The following ZFP1 variants were observed in gnomAD, a reference collection of about 807,000 sequenced individuals.
The protein encoded by ZFP1 is zinc finger protein 1 homolog.
Under a neutral mutation model 38.5 loss-of-function variants are expected in ZFP1, and 32 were observed. That is an observed-to-expected ratio of 0.83 (90% confidence interval 0.63 to 1.12). ZFP1 has a LOEUF of 1.12. ZFP1 is among the 50% of genes most tolerant of loss of function. ZFP1 has a pLI of 0.00. For synonymous variants in ZFP1, 245 were observed against 168.8 expected, an observed-to-expected ratio of 1.45 and a Z score of -3.50; for missense variants, 616 against 480.8, an observed-to-expected ratio of 1.28 and a Z score of -2.63.
At chr16:75,156,247 A>G (rs1170378042) in intron 2 of ZFP1, among the ~76,000 whole-genome samples, 1 of 152,184 alleles carries the variant, frequency 6.6e-6, no homozygotes. Context: ...TGAGGTCAGG[A>G]GATCGAGACC....
chr16:75,158,146 T>G (rs1451877899), intron 2 of ZFP1, among the ~76,000 whole-genome samples: 2 of 151,940 alleles, frequency 1.3e-5, no homozygotes, highest in African/African-American at 4.8e-5. Flanking sequence ...TGCTTCAACC[T>G]ATTTATGTTC....
rs773296216 is a variant in ZFP1 at position 75,152,971 on chromosome 16, GTTGT to G, written c.15+12_15+15del. ...CAGAAAATGAACAAATCCCAGGTGAGTTGTTTGTTTATTCCCCATTTTGCTTTTC... is the reference window on the plus strand; with the variant it reads ...CAGAAAATGAACAAATCCCAGGTGAGTTGTTTATTCCCCATTTTGCTTTTC... On this transcript the variant is annotated splice_donor_region_variant and intron_variant, in intron 2 of 3. Transcript: ENST00000570010. 9 of 1,613,620 alleles carry G rather than the reference GTTGT, an allele frequency of 5.6e-6. No homozygotes were observed. Among genetic ancestry groups the G allele is most frequent in the South Asian group, 3.3e-5 (3 of 90,964 alleles).
upstream of ZFP1, among the ~76,000 whole-genome samples, chr16:75,145,360 G>T (rs991277763): frequency 1.3e-5 from 2 of 152,322 alleles, no homozygotes; most frequent in East Asian, 3.9e-4. Context: ...GACAGTGTTG[G>T]CAGTCTCTTA....
In ZFP1 at chr16:75,170,297, G is replaced by C; in HGVS notation, c.1187G>C (p.Ser396Thr). The change falls in exon 4 of 4, where the codon AGT becomes ACT. Residue 396 changes from serine (S) to threonine (T), a missense_variant. Transcript: ENST00000570010. ...GCCTTTAGCAGGAAGTCCCGACTCAGTGTCCATCAGAGAGTTCACATCGGG... is the reference window on the plus strand; with the variant it reads ...GCCTTTAGCAGGAAGTCCCGACTCACTGTCCATCAGAGAGTTCACATCGGG... ...GKAFSRKSRL[S>T]VHQRVHIGEK... 6.2e-7 allele frequency: 1 copy of C among 1,605,816 alleles called. No individual in the cohort carries two copies. Among genetic ancestry groups the C allele is most frequent in the Non-Finnish European group, 8.5e-7 (1 of 1,175,522 alleles).
chr16:75,163,922 C>G (rs2037923919), intron 2 of ZFP1, among the ~76,000 whole-genome samples: 1 of 152,182 alleles, frequency 6.6e-6, no homozygotes, highest in East Asian at 1.9e-4. Context: ...TTTATGTCAC[C>G]TCACTCAATC....
At chr16:75,142,057 G>GAAAA in the ZFP1 span, among the ~76,000 whole-genome samples, 1 of 118,956 alleles carries the variant, frequency 8.4e-6, no homozygotes, top group Non-Finnish European at 1.8e-5. Context: ...CCATCTCAAA[G>GAAAA]AAAAAAAAAA....
At chr16:75,129,619 C>T in the ZFP1 span, among the ~76,000 whole-genome samples, 47,793 of 152,004 alleles carry the variant, frequency 0.31, 7,712 homozygotes, top group Non-Finnish European at 0.34. Flanking sequence ...CTAGTTGTCC[C>T]GCCTCTCCAG....
intron 2 of ZFP1, among the ~76,000 whole-genome samples, chr16:75,157,670 G>A (rs971513461): frequency 6.6e-6 from 1 of 152,160 alleles, no homozygotes; most frequent in Non-Finnish European, 1.5e-5. Flanking sequence ...GGTTATGGAT[G>A]TGTGCACACA....
chr16:75,166,990 T>C, intron 3 of ZFP1, 94 bp downstream of exon 3: 1 of 1,523,268 alleles, frequency 6.6e-7, no homozygotes, highest in East Asian at 2.3e-5. Flanking sequence ...TTACTAAATG[T>C]TTTTGGCCTA....
In ZFP1 at chr16:75,166,761, C is replaced by A. The variant is rs753831374; in HGVS notation, c.16-9C>A. On this transcript the variant is annotated splice_polypyrimidine_tract_variant and intron_variant, in intron 2 of 3. Transcript: ENST00000570010. ...TCATCTTAGGATGAATAACAATATG[C>A]CATTTCAGGGATCAGTTTCATTCAC... is the stretch of plus-strand genomic sequence containing the variant. 1.2e-6 allele frequency: 2 copies of A among 1,614,014 alleles called. No individual in the cohort carries two copies. Among genetic ancestry groups the A allele is most frequent in the Admixed American group, 3.3e-5 (2 of 60,010 alleles).
the ZFP1 span, among the ~76,000 whole-genome samples, chr16:75,125,848 G>C: frequency 6.6e-6 from 1 of 151,866 alleles, no homozygotes; most frequent in Non-Finnish European, 1.5e-5. Flanking sequence ...TTCAGGACCA[G>C]CCTGGCTAAC....
At chr16:75,159,972 C>G (rs768391413) in intron 2 of ZFP1, among the ~76,000 whole-genome samples, 37 of 152,150 alleles carry the variant, frequency 2.4e-4, no homozygotes, top group Non-Finnish European at 4.6e-4. Context: ...CTCTATCTTT[C>G]TGGATTCAGA....
chr16:75,148,321 T>G (rs985777992), upstream of ZFP1, among the ~76,000 whole-genome samples: 3 of 152,290 alleles, frequency 2.0e-5, no homozygotes, highest in East Asian at 1.9e-4. Context: ...AAGAAAACAG[T>G]GCAGGCTAAG....
rs1185492527 is a variant in ZFP1, at chr16:75,170,401, G to T, written c.*67G>T. On this transcript the variant is annotated 3_prime_UTR_variant, in exon 4 of 4. Transcript: ENST00000570010. ...TCTTCAAGCGGGTGAAAAACCTCAT[G>T]ACAGTATTGAGGGAACATGGGAATT... 3.3e-6 allele frequency: 5 copies of T among 1,493,698 alleles called. No individual in the cohort carries two copies. Among genetic ancestry groups the T allele is most frequent in the Non-Finnish European group, 4.5e-6 (5 of 1,122,134 alleles). 92.5% of individuals were successfully genotyped at this position (1,493,698 alleles called of 1,614,324 possible). A position where few individuals can be genotyped will look rare whatever the true frequency, so the allele number is the denominator to read the frequency against.
the ZFP1 span, among the ~76,000 whole-genome samples, chr16:75,136,445 T>G: frequency 6.6e-6 from 1 of 152,224 alleles, no homozygotes; most frequent in African/African-American, 2.4e-5. Context: ...TTCTCACTGG[T>G]TGACTGAAAA....
the ZFP1 span, among the ~76,000 whole-genome samples, chr16:75,138,566 T>G: frequency 1.3e-5 from 2 of 152,236 alleles, no homozygotes; most frequent in African/African-American, 4.8e-5. Flanking sequence ...TGACCTTATT[T>G]GCAAATAGTG....
intron 2 of ZFP1, among the ~76,000 whole-genome samples, chr16:75,154,637 G>A (rs2037381213): frequency 6.9e-6 from 1 of 144,462 alleles, no homozygotes; most frequent in Non-Finnish European, 1.5e-5. Flanking sequence ...AAAGAAAAGA[G>A]AAGGCAGAAG....
At chr16:75,121,365 T>C in the ZFP1 span, among the ~76,000 whole-genome samples, 2 of 152,040 alleles carry the variant, frequency 1.3e-5, no homozygotes, top group African/African-American at 4.8e-5. Flanking sequence ...GACCTTGTGA[T>C]CCGCCCACCT....
chr16:75,155,235 G>A lies in ZFP1; in HGVS notation c.15+2269G>A, dbSNP rs578083155. On this transcript the variant is annotated intron_variant, in intron 2 of 3. Coordinates refer to ENST00000570010, the MANE Select transcript of ZFP1 (RefSeq NM_153688.4). Reference sequence around the variant, plus strand: ...AGCCTCGACTTGCTGGACTCAAGCAGTCCTCCTGCCTAAATCCCCGCAAGT... The same window carrying A: ...AGCCTCGACTTGCTGGACTCAAGCAATCCTCCTGCCTAAATCCCCGCAAGT... Among the ~76,000 whole-genome samples the A allele has an allele frequency of 3.9e-5, 6 of 152,306 alleles. No homozygotes were observed. In the East Asian group the frequency reaches 5.8e-4, roughly 15 times the overall value.
Sources: allele counts gnomAD v4.1 joint callset (sites outside exome capture counted in the v4.1 genomes callset), GRCh38; gene constraint gnomAD v4.1.1; transcripts MANE v1.5; gene names NCBI Gene and HGNC (gene_info 2026-07-23, HGNC 2026-07-21).